The following CR1L variants were observed in gnomAD, a reference collection of about 807,000 sequenced individuals.
CR1L encodes complement component receptor 1-like protein.
In CR1L, 59 loss-of-function variants were observed where a neutral mutation model predicts 62.3. The observed-to-expected ratio is 0.95, with a 90% CI of 0.77 to 1.18. The LOEUF is 1.18. Ranked by LOEUF, CR1L falls within the 50% of genes most tolerant of loss-of-function variation. The pLI is 0.00. For synonymous variants in CR1L, 279 were observed against 248.7 expected (o/e 1.12, Z -1.15); for missense variants, 700 against 702.8 (o/e 1.00, Z 0.04).
chr1:207,720,993 T>C (rs534996915), intron 11 of CR1L, among the ~76,000 whole-genome samples: 2 of 152,162 alleles, frequency 1.3e-5, no homozygotes, highest in Admixed American at 6.6e-5. Context: ...CTCCATGCCA[T>C]TTCTAAGGTA....
At chr1:207,689,783 A>C (rs1663968752) in intron 4 of CR1L, among the ~76,000 whole-genome samples, 1 of 152,010 alleles carries the variant, frequency 6.6e-6, no homozygotes, top group Non-Finnish European at 1.5e-5. Flanking sequence ...TAGTGATTCA[A>C]TTTCTTTAAT....
chr1:207,677,509 C>T lies in CR1L; in HGVS notation c.218C>T (p.Pro73Leu), dbSNP rs750728001. The change falls in exon 2 of 12, where the codon CCG (proline) becomes CTG (leucine). Residue 73 changes from proline to leucine, a missense_variant. By Grantham distance (98) the Pro-to-Leu change is moderately conservative. Transcript: ENST00000508064. ...TGCCGCCCTGGTTATTCCGGAAGAC[C>T]GTTTTCTATCATCTGCCTAAAAAAC... The part of the protein sequence containing the change: ...YECRPGYSGR[P>L]FSIICLKNSV... 29 of 1,613,642 alleles carry T rather than the reference C, an allele frequency of 1.8e-5. No homozygotes were observed. The highest frequency in any genetic ancestry group is 3.3e-4 in the Middle Eastern group (2 of 6,084).
In CR1L at chr1:207,694,627, C is replaced by T. The variant is rs756961281; in HGVS notation, c.738C>T (p.Ser246=). ...GAATATTGGTATCTGACAACAGAAG[C>T]TTATTTTCCTTAAATGAAGTTGTGG... The part of the protein sequence containing the change: ...ENGILVSDNR[S]LFSLNEVVEF... The change falls in exon 5 of 12, where the codon AGC becomes AGT. Residue 246 remains serine (S), a synonymous_variant. Transcript: ENST00000508064. 4.3e-6 allele frequency: 7 copies of T among 1,611,856 alleles called. No homozygotes were observed. In the East Asian group the frequency reaches 6.7e-5, roughly 15 times the overall value.
intron 6 of CR1L, 39 bp downstream of exon 6, chr1:207,697,718 C>G: frequency 1.9e-6 from 3 of 1,613,958 alleles, no homozygotes. Context: ...TTTTAGCTTG[C>G]GTCTTTATTC....
chr1:207,658,019 C>T (rs1051326712), intron 1 of CR1L, among the ~76,000 whole-genome samples: 1 of 152,184 alleles, frequency 6.6e-6, no homozygotes, highest in African/African-American at 2.4e-5. Flanking sequence ...ATACAAGACA[C>T]TCCTAAATAA....
At position 207,700,353 on chromosome 1, in the gene CR1L, C is replaced by A. The variant is rs1664171926; in HGVS notation, c.1228+1079C>A. Among the ~76,000 whole-genome samples the A allele has an allele frequency of 2.0e-5, 3 of 152,166 alleles. No homozygotes were observed. In the South Asian group the frequency reaches 6.2e-4, roughly 32 times the overall value. On this transcript the variant is annotated intron_variant, in intron 8 of 11. Coordinates refer to ENST00000508064, the MANE Select transcript of CR1L (RefSeq NM_175710.2). ...TGTTCTACTATCATGCATGAAAGCT[C>A]ATTGATTGGACTACTCAAGCTTTCT... is the stretch of plus-strand genomic sequence containing the variant.
At chr1:207,659,249 T>A (rs1483146987) in intron 1 of CR1L, 2 of 152,552 alleles carry the variant, frequency 1.3e-5, no homozygotes. Context: ...CTCTGCTGAT[T>A]CCTGCATGGT....
At chr1:207,687,732 T>C (rs566042175) in intron 4 of CR1L, among the ~76,000 whole-genome samples, 24 of 152,330 alleles carry the variant, frequency 1.6e-4, no homozygotes, top group African/African-American at 4.8e-4. Context: ...TTTCATATGT[T>C]TGTGAAGGGC....
chr1:207,654,354 G>A (rs144759006), intron 1 of CR1L, among the ~76,000 whole-genome samples: 9 of 152,240 alleles, frequency 5.9e-5, no homozygotes, highest in African/African-American at 1.9e-4. Context: ...AGCTTGCTAG[G>A]CACTATGAGG....
At chr1:207,681,829 C>T (rs562458932) in intron 3 of CR1L, among the ~76,000 whole-genome samples, 1 of 152,274 alleles carries the variant, frequency 6.6e-6, no homozygotes, top group East Asian at 1.9e-4. Context: ...GACTTGTTTA[C>T]TTCATTTGTT....
chr1:207,685,051 T>C (rs1558018449), intron 4 of CR1L, among the ~76,000 whole-genome samples: 1 of 152,150 alleles, frequency 6.6e-6, no homozygotes, highest in Non-Finnish European at 1.5e-5. Context: ...TTATTTGAAA[T>C]CTGTAATAAG....
chr1:207,695,858 T>G (rs1664094714), intron 5 of CR1L, among the ~76,000 whole-genome samples: 1 of 152,144 alleles, frequency 6.6e-6, no homozygotes, highest in Non-Finnish European at 1.5e-5. Flanking sequence ...AAGAGAACTA[T>G]ATCACAATAC....
chr1:207,717,768 T>C lies in CR1L; in HGVS notation c.1642+77T>C, dbSNP rs376993115. The stretch of plus-strand genomic sequence containing the variant: ...AACCTTCATATTTCTATAGTGACAG[T>C]CATTTTTGCTTGTGAAAATGGCTTT... On this transcript the variant is annotated intron_variant, in intron 11 of 11. Transcript: ENST00000508064. The C allele has an allele frequency of 7.8e-6, 12 of 1,539,178 alleles. No individual in the cohort carries two copies. The East Asian group carries it at 9.1e-5, about 12-fold the overall frequency.
chr1:207,719,956 TA>T (rs1327811150), intron 11 of CR1L, among the ~76,000 whole-genome samples: 2 of 152,322 alleles, frequency 1.3e-5, no homozygotes, highest in African/African-American at 4.8e-5. Flanking sequence ...CGGACCTAAA[TA>T]TATAATTCAA....
chr1:207,720,310 A>T (rs1244935094), intron 11 of CR1L, among the ~76,000 whole-genome samples: 1 of 152,040 alleles, frequency 6.6e-6, no homozygotes, highest in Non-Finnish European at 1.5e-5. Flanking sequence ...AGAAAATTTC[A>T]TGATCTTAGA....
chr1:207,708,496 TAAATAGCCCCC>T (rs2102477627), intron 10 of CR1L, among the ~76,000 whole-genome samples: 2 of 152,368 alleles, frequency 1.3e-5, no homozygotes, highest in East Asian at 3.9e-4. Context: ...TGAGCTAATT[TAAATAGCCCCC>T]AATTTCATCC....
At chr1:207,700,065 G>A (rs2102471931) in intron 8 of CR1L, among the ~76,000 whole-genome samples, 1 of 152,178 alleles carries the variant, frequency 6.6e-6, no homozygotes, top group Middle Eastern at 3.4e-3. Context: ...TCAATAATCA[G>A]TAGACTACTG....
intron 3 of CR1L, 48 bp from the exon 4 acceptor site, chr1:207,683,824 G>C: frequency 1.3e-6 from 2 of 1,544,116 alleles, no homozygotes; most frequent in Non-Finnish European, 1.8e-6. Flanking sequence ...TAATTGGGTA[G>C]TTGACCTGTG....
chr1:207,704,862 T>G (rs991902204), intron 9 of CR1L, among the ~76,000 whole-genome samples: 3 of 152,248 alleles, frequency 2.0e-5, no homozygotes, highest in Admixed American at 6.5e-5. Flanking sequence ...GTTGTGATAT[T>G]TGTTTTATTG....
Sources: allele counts gnomAD v4.1 joint callset (sites outside exome capture counted in the v4.1 genomes callset), GRCh38; gene constraint gnomAD v4.1.1; transcripts MANE v1.5; gene names NCBI Gene and HGNC (gene_info 2026-07-23, HGNC 2026-07-21).